Variants in SAXO1 observed in about 807,000 individuals in gnomAD.
The protein encoded by SAXO1 is stabilizer of axonemal microtubules 1, also known as 4930500O09Rik.
A neutral mutation model predicts 17.5 loss-of-function variants in SAXO1; 21 were observed. The observed-to-expected ratio is 1.20, with a 90% confidence interval of 0.85 to 1.72. The LOEUF (loss-of-function observed/expected upper bound fraction) is 1.72, where lower values mean the gene tolerates loss of function less well. Ranked by LOEUF, SAXO1 falls within the 40% of genes most tolerant of loss-of-function variation. SAXO1 has a pLI of 0.00. For synonymous variants in SAXO1, 274 were observed against 216.5 expected (o/e 1.27, Z -2.33); for missense variants, 843 against 596.0 (o/e 1.41, Z -4.32).
intron 2 of SAXO1, 42 bp downstream of exon 2, chr9:18,950,716 G>T (rs550272114): frequency 2.0e-6 from 3 of 1,531,978 alleles, no homozygotes; most frequent in East Asian, 2.3e-5. Context: ...TACTCCATTA[G>T]TGTTGTATGT....
chr9:18,935,895 G>A (rs577970124), intron 3 of SAXO1, among the ~76,000 whole-genome samples: 5 of 152,288 alleles, frequency 3.3e-5, no homozygotes, highest in South Asian at 2.1e-4. Flanking sequence ...AGCCTGCTCC[G>A]GCAGAGCCAC....
chr9:19,036,073 G>C (rs1002046177), upstream of SAXO1, among the ~76,000 whole-genome samples: 2 of 150,418 alleles, frequency 1.3e-5, no homozygotes, highest in Non-Finnish European at 3.0e-5. Context: ...CATGGACACA[G>C]GGAGGGGAAC....
intron 1 of SAXO1, among the ~76,000 whole-genome samples, chr9:19,024,301 T>C (rs1203937408): frequency 1.3e-5 from 2 of 151,866 alleles, no homozygotes; most frequent in East Asian, 3.9e-4. Flanking sequence ...TGTGCTCCTC[T>C]CCCGCCTAAT....
chr9:18,981,467 G>A (rs1410274923), intron 1 of SAXO1, among the ~76,000 whole-genome samples: 1 of 152,108 alleles, frequency 6.6e-6, no homozygotes, highest in Non-Finnish European at 1.5e-5. Flanking sequence ...GGCTCCCTGA[G>A]CAGATCCTCT....
chr9:19,029,670 A>T (rs1429843433), intron 1 of SAXO1, among the ~76,000 whole-genome samples: 1 of 152,212 alleles, frequency 6.6e-6, no homozygotes, highest in Non-Finnish European at 1.5e-5. Context: ...GCAGTGATGG[A>T]AACACTCCCT....
chr9:18,955,985 A>G (rs542321001), intron 1 of SAXO1, among the ~76,000 whole-genome samples: 2 of 151,808 alleles, frequency 1.3e-5, no homozygotes, highest in Admixed American at 1.3e-4. Flanking sequence ...TGTCACCTAG[A>G]CTGGAGTACA....
intron 2 of SAXO1, among the ~76,000 whole-genome samples, chr9:18,949,632 G>A (rs939115161): frequency 6.6e-6 from 1 of 151,936 alleles, no homozygotes; most frequent in African/African-American, 2.4e-5. Context: ...ACTTCCCGTG[G>A]ATCTAGAAGA....
At chr9:18,970,637 A>G (rs59522722) in intron 1 of SAXO1, among the ~76,000 whole-genome samples, 2,770 of 152,300 alleles carry the variant, frequency 0.018, 69 homozygotes, top group African/African-American at 0.061. Flanking sequence ...GAGTCTCAGC[A>G]GGTGAACTGG....
intron 2 of SAXO1, among the ~76,000 whole-genome samples, chr9:18,946,480 G>A (rs768958578): frequency 1.5e-4 from 22 of 151,628 alleles, no homozygotes; most frequent in Non-Finnish European, 2.1e-4. Context: ...AGATTTGAGC[G>A]GCCACCCAAG....
intron 1 of SAXO1, among the ~76,000 whole-genome samples, chr9:19,008,640 A>G (rs936492843): frequency 6.6e-6 from 1 of 152,174 alleles, no homozygotes; most frequent in African/African-American, 2.4e-5. Flanking sequence ...CAATCCCCAA[A>G]TAACTGTGCC....
intron 1 of SAXO1, among the ~76,000 whole-genome samples, chr9:18,964,546 T>G (rs1263678846): frequency 6.6e-6 from 1 of 152,236 alleles, no homozygotes; most frequent in Non-Finnish European, 1.5e-5. Context: ...CTAGATTTTC[T>G]AGTTTATTTG....
At chr9:18,992,846 G>A (rs1044432643) in intron 1 of SAXO1, among the ~76,000 whole-genome samples, 7 of 151,832 alleles carry the variant, frequency 4.6e-5, no homozygotes, top group South Asian at 2.1e-4. Flanking sequence ...TCAGCTCACC[G>A]CAACCTCCAC....
At chr9:18,992,366 C>T (rs1421285764) in intron 1 of SAXO1, among the ~76,000 whole-genome samples, 1 of 152,224 alleles carries the variant, frequency 6.6e-6, no homozygotes, top group Admixed American at 6.5e-5. Flanking sequence ...TGTGTCTTCA[C>T]ATTGTCTTCC....
intron 1 of SAXO1, among the ~76,000 whole-genome samples, chr9:19,045,842 A>G (rs79943605): frequency 2.0e-5 from 3 of 152,368 alleles, no homozygotes; most frequent in East Asian, 3.9e-4. Context: ...TATGATTTCC[A>G]TAAACTACAG....
At chr9:18,950,004 A>G (rs1435854107) in intron 2 of SAXO1, among the ~76,000 whole-genome samples, 3 of 152,096 alleles carry the variant, frequency 2.0e-5, no homozygotes, top group African/African-American at 7.2e-5. Context: ...GCACTCAAAG[A>G]TGTTTCCACT....
chr9:19,022,282 G>C (rs951155539), intron 1 of SAXO1, among the ~76,000 whole-genome samples: 15 of 152,328 alleles, frequency 9.8e-5, no homozygotes, highest in African/African-American at 3.6e-4. Context: ...CTGAACATCT[G>C]AAGGAACAAA....
At chr9:18,982,318 C>T (rs1473428018) in intron 1 of SAXO1, among the ~76,000 whole-genome samples, 1 of 152,200 alleles carries the variant, frequency 6.6e-6, no homozygotes, top group Non-Finnish European at 1.5e-5. Context: ...TGTCACATTT[C>T]TTGGAATTCC....
intron 1 of SAXO1, among the ~76,000 whole-genome samples, chr9:19,003,638 T>C (rs1443323833): frequency 6.6e-6 from 1 of 152,272 alleles, no homozygotes; most frequent in African/African-American, 2.4e-5. Context: ...AAATAAGCAA[T>C]GGGGAAAAGA....
At chr9:19,042,734 T>G (rs1193145023) in intron 1 of SAXO1, among the ~76,000 whole-genome samples, 1 of 152,056 alleles carries the variant, frequency 6.6e-6, no homozygotes, top group Non-Finnish European at 1.5e-5. Context: ...TGGTGGTGCA[T>G]GCCTGTAATC....
Sources: gnomAD v4.1 joint callset for allele counts (sites outside exome capture counted in the v4.1 genomes callset) on GRCh38, gnomAD v4.1.1 for gene constraint, MANE v1.5 for transcripts, NCBI Gene and HGNC (gene_info 2026-07-23, HGNC 2026-07-21) for gene names.